Variants in DPH6 observed in about 807,000 individuals in gnomAD.
DPH6 encodes diphthine--ammonia ligase.
DPH6 carries 33 observed loss-of-function variants against 38.2 expected under a neutral mutation model. The observed-to-expected ratio is 0.86, with a 90% CI of 0.65 to 1.15. The LOEUF is 1.15. DPH6 is among the 50% of genes most tolerant of loss of function. The pLI is 0.00. For synonymous variants in DPH6, 108 were observed against 103.0 expected (o/e 1.05, Z -0.30); for missense variants, 325 against 320.0 (o/e 1.02, Z -0.12).
chr15:35,215,790 T>C (rs1352559392), downstream of DPH6, among the ~76,000 whole-genome samples: 1 of 152,236 alleles, frequency 6.6e-6, no homozygotes, highest in Non-Finnish European at 1.5e-5. Context: ...GGCACTATTA[T>C]TATACCTATT....
At chr15:35,229,357 C>T (rs1322949454) in intron 3 of DPH6, among the ~76,000 whole-genome samples, 3 of 151,968 alleles carry the variant, frequency 2.0e-5, no homozygotes, top group Admixed American at 6.6e-5. Context: ...ATGCCAATTG[C>T]ATTTTCAACT....
chr15:35,429,187 A>G (rs1050961819), intron 5 of DPH6, among the ~76,000 whole-genome samples: 1 of 152,160 alleles, frequency 6.6e-6, no homozygotes, highest in Admixed American at 6.5e-5. Context: ...AGATCTCCTT[A>G]GCTGCTTTGG....
chr15:35,520,374 A>T, intron 3 of DPH6: 1 of 983,274 alleles, frequency 1.0e-6, no homozygotes, highest in Non-Finnish European at 1.2e-6. Context: ...ATACAACAGT[A>T]TCAGGATGTA....
intron 3 of DPH6, among the ~76,000 whole-genome samples, chr15:35,491,692 C>T (rs1451397846): frequency 7.3e-6 from 1 of 136,372 alleles, no homozygotes; most frequent in Non-Finnish European, 1.6e-5. Flanking sequence ...TATGTATATA[C>T]ACACATATAA....
At chr15:35,310,249 A>G (rs2052129621) in intron 3 of DPH6, among the ~76,000 whole-genome samples, 1 of 152,216 alleles carries the variant, frequency 6.6e-6, no homozygotes, top group Non-Finnish European at 1.5e-5. Context: ...AGCACTAGGC[A>G]TTCCCCATGC....
At chr15:35,324,020 G>A (rs1356274135) in intron 3 of DPH6, among the ~76,000 whole-genome samples, 2 of 152,154 alleles carry the variant, frequency 1.3e-5, no homozygotes, top group African/African-American at 4.8e-5. Context: ...AGGCATCAAA[G>A]CCAGTGTGCT....
the DPH6 span, among the ~76,000 whole-genome samples, chr15:35,155,546 C>A: frequency 2.6e-5 from 4 of 152,192 alleles, no homozygotes; most frequent in Non-Finnish European, 4.4e-5. Context: ...GGTCCATGAA[C>A]CCCAGGGTGA....
intron 3 of DPH6, among the ~76,000 whole-genome samples, chr15:35,482,057 T>G (rs1213677277): frequency 6.6e-6 from 1 of 152,154 alleles, no homozygotes; most frequent in Non-Finnish European, 1.5e-5. Context: ...GCCACTCCCA[T>G]AACAAGGTGG....
chr15:35,461,086 C>CATTT (rs1340656735), intron 3 of DPH6, among the ~76,000 whole-genome samples: 2 of 151,890 alleles, frequency 1.3e-5, no homozygotes, highest in Admixed American at 1.3e-4. Flanking sequence ...TTTATTTATT[C>CATTT]ATTTATTTAT....
chr15:35,543,259 AATATATATATATATATATATATAT>A lies in DPH6; in HGVS notation c.24-776_24-753del, dbSNP rs6145522. 3.4e-3 allele frequency among the ~76,000 whole-genome samples: 386 copies of A among 114,124 alleles called. 5 individuals carry two copies. The highest frequency in any genetic ancestry group is 0.014 in the African/African-American group (352 of 24,306). The allele number at this position is 114,124 out of a possible 152,430, so 74.9% of individuals were successfully genotyped here. A position where few individuals can be genotyped will look rare whatever the true frequency, so the allele number is the denominator to read the frequency against. On this transcript the variant is annotated intron_variant, in intron 1 of 8. Transcript: ENST00000256538. ...ATACATATAGTACACACATACACAT[AATATATATATATATATATATATAT>A]ATATATATATATATATATATGATGG...
At chr15:35,231,888 CA>C (rs1376101370) in intron 3 of DPH6, among the ~76,000 whole-genome samples, 1 of 152,064 alleles carries the variant, frequency 6.6e-6, no homozygotes. Context: ...CAGGAGCAAA[CA>C]GAGTAAGAAC....
chr15:35,395,864 G>T (rs1346241740), intron 6 of DPH6, among the ~76,000 whole-genome samples: 1 of 152,156 alleles, frequency 6.6e-6, no homozygotes, highest in East Asian at 1.9e-4. Context: ...GGACACAGAA[G>T]TCCTTACACA....
intron 3 of DPH6, among the ~76,000 whole-genome samples, chr15:35,235,983 CAT>C (rs144867948): frequency 0.028 from 4,231 of 152,214 alleles, 84 homozygotes; most frequent in Middle Eastern, 0.041. Context: ...AATGCCACCA[CAT>C]GTTTAGTTTA....
intron 3 of DPH6, among the ~76,000 whole-genome samples, chr15:35,468,292 C>T (rs1189110280): frequency 6.6e-6 from 1 of 152,084 alleles, no homozygotes; most frequent in Non-Finnish European, 1.5e-5. Flanking sequence ...GCATAACTTG[C>T]CCCAGATTTC....
chr15:35,401,570 G>T (rs2053220023), intron 6 of DPH6: 3 of 770,074 alleles, frequency 3.9e-6, no homozygotes, highest in Admixed American at 1.7e-5. Context: ...AGCAATTTTG[G>T]AGGTGGTGGA....
chr15:35,402,656 A>G (rs1215603580), intron 6 of DPH6, among the ~76,000 whole-genome samples: 16 of 152,120 alleles, frequency 1.1e-4, no homozygotes, highest in Admixed American at 1.0e-3. Context: ...TTATTTGCTT[A>G]TAAGATTATA....
chr15:35,377,982 GC>G (rs1845993084), intron 7 of DPH6, among the ~76,000 whole-genome samples: 1 of 151,288 alleles, frequency 6.6e-6, no homozygotes, highest in African/African-American at 2.4e-5. Context: ...TGATCTTCTT[GC>G]CCTGCCCTCC....
At chr15:35,481,735 C>A (rs959344274) in intron 3 of DPH6, among the ~76,000 whole-genome samples, 3 of 152,018 alleles carry the variant, frequency 2.0e-5, no homozygotes, top group African/African-American at 7.2e-5. Flanking sequence ...ATAAATGAAA[C>A]AAGATGGGTT....
the DPH6 span, among the ~76,000 whole-genome samples, chr15:35,171,752 A>G: frequency 6.6e-6 from 1 of 152,036 alleles, no homozygotes; most frequent in Admixed American, 6.6e-5. Flanking sequence ...TACTTAGCAT[A>G]CTCTGGAATA....
Sources: gnomAD v4.1 joint callset for allele counts (sites outside exome capture counted in the v4.1 genomes callset) on GRCh38, gnomAD v4.1.1 for gene constraint, MANE v1.5 for transcripts, NCBI Gene and HGNC (gene_info 2026-07-23, HGNC 2026-07-21) for gene names.